Variants in DCAF4 observed in about 807,000 individuals in gnomAD.
DCAF4 encodes the protein DDB1 and CUL4 associated factor 4.
A neutral mutation model predicts 60.9 loss-of-function variants in DCAF4; 37 were observed. The ratio of observed to expected loss-of-function variants is 0.61; its 90% CI spans 0.47 to 0.80. The LOEUF (loss-of-function observed/expected upper bound fraction) is 0.80, where lower values mean the gene tolerates loss of function less well. Ranked by LOEUF, DCAF4 falls within the 30% of genes least tolerant of loss-of-function variation. The pLI is 0.00. For missense variants in DCAF4, 577 were observed against 650.0 expected (o/e 0.89, Z 1.22); for synonymous variants, 243 against 254.8 (o/e 0.95, Z 0.44).
At chr14:72,940,716 G>A (rs1198039117) in intron 4 of DCAF4, among the ~76,000 whole-genome samples, 2 of 146,430 alleles carry the variant, frequency 1.4e-5, no homozygotes, top group East Asian at 2.1e-4. Context: ...TCAGCCTCCT[G>A]AGTAGCTGGG....
At chr14:72,929,375 T>TA (rs1888193343) in intron 1 of DCAF4, among the ~76,000 whole-genome samples, 2 of 152,152 alleles carry the variant, frequency 1.3e-5, no homozygotes, top group Non-Finnish European at 2.9e-5. Context: ...TACATACACA[T>TA]ACGCTGGGCA....
intron 1 of DCAF4, among the ~76,000 whole-genome samples, chr14:72,929,356 T>G (rs934579277): frequency 2.6e-5 from 4 of 152,222 alleles, no homozygotes; most frequent in African/African-American, 9.7e-5. Flanking sequence ...GTCCACATAT[T>G]CTGTGCACTA....
At chr14:72,941,693 C>A (rs897335966) in intron 4 of DCAF4, 52 bp from the exon 5 acceptor site, 7 of 1,535,820 alleles carry the variant, frequency 4.6e-6, no homozygotes, top group African/African-American at 1.4e-5. Context: ...CTCCATCATC[C>A]CCTAACAAAT....
In DCAF4 at chr14:72,940,260, C is replaced by T. The variant is rs752242788; in HGVS notation, c.234C>T (p.Tyr78=). 7.4e-6 allele frequency: 12 copies of T among 1,614,124 alleles called. No individual in the cohort carries two copies. The highest frequency in any genetic ancestry group is 1.1e-5 in the South Asian group (1 of 91,068). ...ACTTTGACCCTGAAAAGAAACGCTA[C>T]TTCCGCTTGCTCCCTGGACATAACA... The part of the protein sequence containing the change: ...GFYFDPEKKR[Y]FRLLPGHNNC... The change falls in exon 4 of 14, where the codon TAC becomes TAT. Residue 78 remains tyrosine (Y), a synonymous_variant. Transcript: ENST00000358377.
At chr14:72,954,334 TC>T in intron 10 of DCAF4, 51 bp from the exon 11 acceptor site, 3 of 1,611,760 alleles carry the variant, frequency 1.9e-6, no homozygotes, top group Non-Finnish European at 2.5e-6. Context: ...GTTGTCCCTC[TC>T]CCCAGACTAC....
rs1444266836 is a variant in DCAF4 at position 72,943,064 on chromosome 14, G to A, written c.502G>A (p.Ala168Thr). 6.8e-6 allele frequency: 11 copies of A among 1,614,154 alleles called. No individual in the cohort carries two copies. The highest frequency in any genetic ancestry group is 1.7e-5 in the Admixed American group (1 of 60,012). ...KVQIRSMDPS[A>T]LASDRFNLIL... ...CCAGATTCGAAGCATGGATCCCTCC[G>A]CCTTGGCAAGCGACCGATTTAACCT... Residue 168 changes from alanine (A) to threonine (T), a missense_variant, in exon 6 of 14, where the codon GCC becomes ACC. Transcript: ENST00000358377.
intron 9 of DCAF4, among the ~76,000 whole-genome samples, chr14:72,953,709 TAAAAAAA>T (rs778771457): frequency 0.012 from 117 of 10,046 alleles, no homozygotes; most frequent in Non-Finnish European, 0.014. Context: ...GACCCTGTCT[TAAAAAAA>T]AAAAAAAAAA....
intron 1 of DCAF4, among the ~76,000 whole-genome samples, chr14:72,931,311 T>C (rs1337900277): frequency 8.2e-6 from 1 of 121,624 alleles, no homozygotes; most frequent in East Asian, 2.4e-4. Context: ...ACCAGAGGAG[T>C]GCTTTATTCT....
At chr14:72,942,413 T>G (rs1270240956) in intron 5 of DCAF4, 2 of 155,418 alleles carry the variant, frequency 1.3e-5, no homozygotes, top group Non-Finnish European at 2.8e-5. Flanking sequence ...CTGTACATGC[T>G]CAAGTGAAGA....
At chr14:72,941,938 C>A in intron 5 of DCAF4, 114 bp downstream of exon 5, 2 of 1,112,528 alleles carry the variant, frequency 1.8e-6, no homozygotes, top group Non-Finnish European at 2.6e-6. Context: ...CGTGAAGCAC[C>A]TGCACAGTTG....
chr14:72,940,588 GTTGTTT>G, intron 4 of DCAF4: 7 of 275,934 alleles, frequency 2.5e-5, no homozygotes, highest in East Asian at 9.7e-5. Flanking sequence ...TGTTCGATAA[GTTGTTT>G]TTTTTTTTTT....
intron 5 of DCAF4, 181 bp downstream of exon 5, chr14:72,942,005 TTC>T (rs1224746640): frequency 1.1e-5 from 7 of 608,970 alleles, no homozygotes; most frequent in African/African-American, 9.3e-5. Context: ...GAGAAAGCTG[TTC>T]TCTCTAGAGC....
At chr14:72,939,778 G>A (rs373029458) in intron 2 of DCAF4, 24 bp from the exon 3 acceptor site, 2 of 1,594,806 alleles carry the variant, frequency 1.3e-6, no homozygotes, top group East Asian at 4.5e-5. Flanking sequence ...TGGGCTGCAA[G>A]TTAACACAGC....
At position 72,955,397 on chromosome 14, in the gene DCAF4, A is replaced by G. The variant is rs1892130993; in HGVS notation, c.1006-126A>G. 2.8e-5 allele frequency: 32 copies of G among 1,136,166 alleles called. No homozygotes were observed. The South Asian group carries it at 4.7e-4, about 17-fold the overall frequency. The allele number at this position is 1,136,166 out of a possible 1,614,324, so 70.4% of individuals were successfully genotyped here. A position where few individuals can be genotyped will look rare whatever the true frequency, so the allele number is the denominator to read the frequency against. On this transcript the variant is annotated intron_variant, in intron 11 of 13. Transcript: ENST00000358377. ...CTCCATTGAGACCCAAACCCTGACCAGCACGTGTCTAATCACACCGTCTGA... is the reference window on the plus strand; with the variant it reads ...CTCCATTGAGACCCAAACCCTGACCGGCACGTGTCTAATCACACCGTCTGA...
At chr14:72,931,636 C>G (rs1189168587) in intron 1 of DCAF4, among the ~76,000 whole-genome samples, 1 of 152,188 alleles carries the variant, frequency 6.6e-6, no homozygotes, top group Non-Finnish European at 1.5e-5. Flanking sequence ...TCTTTGGCCA[C>G]TAAGTATGAT....
chr14:72,927,478 C>A (rs867195013), intron 1 of DCAF4, among the ~76,000 whole-genome samples: 127 of 151,732 alleles, frequency 8.4e-4, no homozygotes, highest in African/African-American at 2.8e-3. Context: ...CAGCTTCCCG[C>A]GTAGCTGGGG....
rs373046291 is a variant in DCAF4 at position 72,950,858 on chromosome 14, T to A, written c.729-940T>A. On this transcript the variant is annotated intron_variant, in intron 8 of 13. Transcript: ENST00000358377. Reference sequence around the variant, plus strand: ...TTTGTGTTATTTATTGACAAATATATGTAGTGGAAATACAGCATGGCTTAG... The same window carrying A: ...TTTGTGTTATTTATTGACAAATATAAGTAGTGGAAATACAGCATGGCTTAG... 1.1e-4 allele frequency among the ~76,000 whole-genome samples: 17 copies of A among 152,242 alleles called. No individual in the cohort carries two copies. The East Asian group carries it at 2.1e-3, about 19-fold the overall frequency.
Position 72,959,102 on chromosome 14 carries a change from T to A in DCAF4, c.*297T>A, listed in dbSNP as rs887565169. On this transcript the variant is annotated 3_prime_UTR_variant, in exon 14 of 14. Transcript: ENST00000358377. ...CCTGCCTTTTCTTAACAAAAAGGAC[T>A]TTTCTAAGGACTGAAGATTGGCAAA... 1.9e-5 allele frequency: 20 copies of A among 1,077,568 alleles called. No individual in the cohort carries two copies. The highest frequency in any genetic ancestry group is 1.6e-5 in the Non-Finnish European group (14 of 889,286). The allele number at this position is 1,077,568 out of a possible 1,614,324, so 66.8% of individuals were successfully genotyped here.
intron 11 of DCAF4, among the ~76,000 whole-genome samples, chr14:72,955,110 C>CAA (rs1191603255): frequency 1.1e-4 from 14 of 129,484 alleles, no homozygotes; most frequent in African/African-American, 3.1e-4. Flanking sequence ...GACTCTGTCT[C>CAA]AAAAAAAAAA....
Sources: gnomAD v4.1 joint callset for allele counts (sites outside exome capture counted in the v4.1 genomes callset) on GRCh38, gnomAD v4.1.1 for gene constraint, MANE v1.5 for transcripts, NCBI Gene and HGNC (gene_info 2026-07-23, HGNC 2026-07-21) for gene names.